The following REEP1 variants were observed in gnomAD, a reference collection of about 807,000 sequenced individuals.
REEP1 encodes receptor accessory protein 1, also known as receptor expression-enhancing protein 1.
Under a neutral mutation model 40.3 loss-of-function variants are expected in REEP1, and 22 were observed. The ratio of observed to expected loss-of-function variants is 0.55; its 90% confidence interval spans 0.39 to 0.78. The LOEUF is 0.78. Among genes scored for constraint, REEP1 ranks in the 30% least tolerant of loss-of-function variants. The probability of loss-of-function intolerance (pLI) is 0.00; values close to 1 mark genes in which losing one functional copy is unlikely to be tolerated. For missense variants in REEP1, 280 were observed against 361.1 expected, an observed-to-expected ratio of 0.78 and a Z score of 1.82; for synonymous variants, 116 against 139.2, an observed-to-expected ratio of 0.83 and a Z score of 1.17.
chr2:86,330,436 T>TGTGTGC (rs1558940883), intron 1 of REEP1, among the ~76,000 whole-genome samples: 1 of 150,562 alleles, frequency 6.6e-6, no homozygotes, highest in Non-Finnish European at 1.5e-5. Flanking sequence ...TGTGTGTGTG[T>TGTGTGC]GTGTGTGTGT....
intron 1 of REEP1, among the ~76,000 whole-genome samples, chr2:86,332,818 T>C (rs1457780436): frequency 6.6e-6 from 1 of 152,246 alleles, no homozygotes; most frequent in African/African-American, 2.4e-5. Flanking sequence ...ATACTCCTCC[T>C]GTTTATAAAT....
intron 1 of REEP1, among the ~76,000 whole-genome samples, chr2:86,320,340 T>C (rs189965889): frequency 2.6e-5 from 4 of 152,340 alleles, no homozygotes; most frequent in Non-Finnish European, 4.4e-5. Context: ...AGTCCAATAT[T>C]GGTAGTGTCC....
intron 1 of REEP1, among the ~76,000 whole-genome samples, chr2:86,313,633 G>A (rs1260604625): frequency 6.6e-6 from 1 of 152,170 alleles, no homozygotes; most frequent in East Asian, 1.9e-4. Flanking sequence ...TTTGAGCCTC[G>A]GTTTCCTCTC....
intron 4 of REEP1, 60 bp from the exon 5 acceptor site, chr2:86,252,130 T>A: frequency 8.3e-7 from 1 of 1,205,848 alleles, no homozygotes; most frequent in Non-Finnish European, 1.2e-6. Context: ...CTCTGTTTTC[T>A]TTCCTTTCCT....
chr2:86,325,978 C>G (rs1167423269), intron 1 of REEP1, among the ~76,000 whole-genome samples: 4 of 152,298 alleles, frequency 2.6e-5, no homozygotes, highest in Admixed American at 2.0e-4. Context: ...AGTGTCCCCC[C>G]GGTAGGAAGA....
chr2:86,330,535 C>T (rs1680719742), intron 1 of REEP1, among the ~76,000 whole-genome samples: 1 of 151,832 alleles, frequency 6.6e-6, no homozygotes, highest in African/African-American at 2.4e-5. Flanking sequence ...ACCTCCAGCT[C>T]CCAGGCTCAA....
intron 1 of REEP1, among the ~76,000 whole-genome samples, chr2:86,319,647 G>A (rs574698408): frequency 6.6e-6 from 1 of 152,050 alleles, no homozygotes; most frequent in African/African-American, 2.4e-5. Context: ...GTGAGCCAAG[G>A]TTCTGCCACT....
chr2:86,237,419 C>T (rs1216073186), intron 5 of REEP1, among the ~76,000 whole-genome samples: 6 of 152,260 alleles, frequency 3.9e-5, no homozygotes, highest in East Asian at 3.9e-4. Flanking sequence ...AAAAGTGATT[C>T]GGGAGACTCT....
chr2:86,288,138 T>A (rs1678505002), intron 1 of REEP1, among the ~76,000 whole-genome samples: 2 of 152,270 alleles, frequency 1.3e-5, no homozygotes, highest in South Asian at 4.1e-4. Flanking sequence ...TTCTCCTTCC[T>A]CAACCTCCTG....
intron 7 of REEP1, chr2:86,223,606 A>G (rs1324833455): frequency 1.3e-5 from 2 of 152,306 alleles, no homozygotes; most frequent in Non-Finnish European, 2.9e-5. Context: ...ACACACTCAC[A>G]CACAGACACA....
rs759467594 is a variant in REEP1 at position 86,232,593 on chromosome 2, G to A, written c.595+32C>T. 1.4e-5 allele frequency: 22 copies of A among 1,608,626 alleles called. 1 individual carries two copies. The South Asian group carries it at 2.3e-4, about 17-fold the overall frequency. On this transcript the variant is annotated intron_variant, in intron 6 of 8. Transcript: ENST00000538924. ...TCTCAATGAAAGCGAGGCCCAAGGA[G>A]TGGGAAAGAGGGGAAGTAAAGTGAC... is the stretch of plus-strand genomic sequence containing the variant.
rs1558859219 is a variant in REEP1, at chr2:86,214,119, T to G, written c.*2920A>C. 6.2e-6 allele frequency: 1 copy of G among 160,380 alleles called. No homozygotes were observed. The highest frequency in any genetic ancestry group is 1.4e-5 in the Non-Finnish European group (1 of 73,092). 9.9% of individuals were successfully genotyped at this position (160,380 alleles called of 1,614,324 possible). On this transcript the variant is annotated 3_prime_UTR_variant, in exon 9 of 9. Coordinates refer to ENST00000538924, the MANE Select transcript of REEP1 (RefSeq NM_001371279.1). ...CTTTGATGCACAGTCCAGTATACTA[T>G]TTTATTACAGATCATTCTATAGGGA...
chr2:86,316,920 C>A (rs965690950), intron 1 of REEP1, among the ~76,000 whole-genome samples: 3 of 152,114 alleles, frequency 2.0e-5, no homozygotes, highest in African/African-American at 7.2e-5. Context: ...AGACAAGATA[C>A]CCTGACTTAC....
At chr2:86,303,657 C>T (rs1464999078) in intron 1 of REEP1, among the ~76,000 whole-genome samples, 1 of 152,148 alleles carries the variant, frequency 6.6e-6, no homozygotes, top group African/African-American at 2.4e-5. Context: ...GAGCCCCACA[C>T]CAGGCCTAAG....
intron 7 of REEP1, 39 bp from the exon 8 acceptor site, chr2:86,220,160 T>C: frequency 2.5e-6 from 3 of 1,215,666 alleles, no homozygotes; most frequent in Non-Finnish European, 2.1e-6. Flanking sequence ...TGAGACAAGG[T>C]ATAGCAAGGA....
At chr2:86,291,443 A>G (rs1292911682) in intron 1 of REEP1, among the ~76,000 whole-genome samples, 1 of 152,160 alleles carries the variant, frequency 6.6e-6, no homozygotes, top group African/African-American at 2.4e-5. Flanking sequence ...TCACCTTGGC[A>G]TGTGATTCTG....
At chr2:86,278,610 G>A (rs1677893974) in intron 2 of REEP1, among the ~76,000 whole-genome samples, 1 of 152,200 alleles carries the variant, frequency 6.6e-6, no homozygotes. Context: ...AGCATCCAAA[G>A]CCTTCTAAAA....
At chr2:86,266,613 G>A (rs1346278305) in intron 2 of REEP1, among the ~76,000 whole-genome samples, 7 of 150,916 alleles carry the variant, frequency 4.6e-5, no homozygotes, top group African/African-American at 9.8e-5. Flanking sequence ...GCGACAGAGC[G>A]AGACTCCATC....
At chr2:86,272,153 T>C (rs1429486159) in intron 2 of REEP1, among the ~76,000 whole-genome samples, 1 of 152,132 alleles carries the variant, frequency 6.6e-6, no homozygotes, top group Non-Finnish European at 1.5e-5. Context: ...ATCCGGGAAG[T>C]GGAGGTTACA....
Sources: gnomAD v4.1 joint callset for allele counts (sites outside exome capture counted in the v4.1 genomes callset) on GRCh38, gnomAD v4.1.1 for gene constraint, MANE v1.5 for transcripts, NCBI Gene and HGNC (gene_info 2026-07-23, HGNC 2026-07-21) for gene names.